Variants in MTMR12 observed in about 807,000 individuals in gnomAD.
MTMR12 encodes the protein myotubularin-related protein 12.
A neutral mutation model predicts 96.7 loss-of-function variants in MTMR12; 33 were observed. The ratio of observed to expected loss-of-function variants is 0.34; its 90% CI spans 0.26 to 0.46. The LOEUF (loss-of-function observed/expected upper bound fraction) is 0.46. Among genes scored for constraint, MTMR12 ranks in the 20% least tolerant of loss-of-function variants. MTMR12 has a pLI of 1.00. For missense variants in MTMR12, 721 were observed against 896.1 expected (o/e 0.80, Z 2.49); for synonymous variants, 298 against 327.2 (o/e 0.91, Z 0.96).
chr5:32,311,794 G>A (rs1751608745), intron 1 of MTMR12, among the ~76,000 whole-genome samples: 1 of 152,100 alleles, frequency 6.6e-6, no homozygotes, highest in African/African-American at 2.4e-5. Flanking sequence ...CCCACCTCAC[G>A]ACCTTCCCGG....
chr5:32,308,542 G>C (rs1300474037), intron 1 of MTMR12, among the ~76,000 whole-genome samples: 1 of 151,950 alleles, frequency 6.6e-6, no homozygotes, highest in Non-Finnish European at 1.5e-5. Flanking sequence ...CCCGTAATAT[G>C]ATTACCTGGC....
chr5:32,291,237 A>T (rs1300080658), intron 1 of MTMR12, among the ~76,000 whole-genome samples: 1 of 152,208 alleles, frequency 6.6e-6, no homozygotes, highest in Admixed American at 6.5e-5. Flanking sequence ...CCAAAAGTGG[A>T]CAGCTGTAGC....
rs1264779257 is a variant in MTMR12, at chr5:32,227,254, C to T, written c.*2524G>A. ...ATTAATTTACATTTCCAAACTTGCA[C>T]AGTACAGCATTTTAAACAAAGTAAA... is the stretch of plus-strand genomic sequence containing the variant. On this transcript the variant is annotated 3_prime_UTR_variant, in exon 16 of 16. Transcript: ENST00000382142. 1 of 152,632 alleles carries T rather than the reference C, an allele frequency of 6.6e-6. No individual in the cohort carries two copies. Among genetic ancestry groups the T allele is most frequent in the Admixed American group, 6.5e-5 (1 of 15,276 alleles). The allele number at this position is 152,632 out of a possible 1,614,324, so 9.5% of individuals were successfully genotyped here. A position where few individuals can be genotyped will look rare whatever the true frequency, so the allele number is the denominator to read the frequency against.
chr5:32,248,656 T>C (rs1748791323), intron 9 of MTMR12, 116 bp downstream of exon 9: 13 of 733,034 alleles, frequency 1.8e-5, no homozygotes, highest in Non-Finnish European at 3.1e-5. Flanking sequence ...TAAGTTGTAT[T>C]CCCCTAGCAT....
intron 1 of MTMR12, among the ~76,000 whole-genome samples, chr5:32,303,011 C>T (rs1033203707): frequency 1.3e-5 from 2 of 152,088 alleles, no homozygotes; most frequent in African/African-American, 4.8e-5. Context: ...TTTATTAATA[C>T]CTTAGCTGGG....
At position 32,255,692 on chromosome 5, in the gene MTMR12, C is replaced by T. The variant is rs1170314336; in HGVS notation, c.789+1G>A. Reference sequence around the variant, plus strand: ...CTTTCAGGGTTCCCAGATGCACTTACTGGTATGCCATGACCCTGAAAGCGC... The same window carrying T: ...CTTTCAGGGTTCCCAGATGCACTTATTGGTATGCCATGACCCTGAAAGCGC... On this transcript the variant is annotated splice_donor_variant, in intron 8 of 15. Transcript: ENST00000382142. LOFTEE classifies it high-confidence loss of function. 2 of 1,608,970 alleles carry T rather than the reference C, an allele frequency of 1.2e-6. No individual in the cohort carries two copies. The highest frequency in any genetic ancestry group is 1.7e-6 in the Non-Finnish European group (2 of 1,177,676).
At chr5:32,255,655 C>A in intron 8 of MTMR12, 38 bp downstream of exon 8, 1 of 1,553,444 alleles carries the variant, frequency 6.4e-7, no homozygotes, top group South Asian at 1.2e-5. Context: ...TAGACCAATG[C>A]ACAACCCACA....
At chr5:32,256,569 C>T (rs1032090897) in intron 7 of MTMR12, among the ~76,000 whole-genome samples, 2 of 152,232 alleles carry the variant, frequency 1.3e-5, no homozygotes, top group African/African-American at 4.8e-5. Context: ...CATCATCTCT[C>T]AGGCAGCAGA....
At chr5:32,308,074 A>G (rs189766818) in intron 1 of MTMR12, among the ~76,000 whole-genome samples, 111 of 152,340 alleles carry the variant, frequency 7.3e-4, no homozygotes, top group African/African-American at 2.6e-3. Context: ...CTGTAATCCC[A>G]GCACTTTGGT....
rs147192932 is a variant in MTMR12, at chr5:32,308,861, C to G, written c.81+3897G>C. On this transcript the variant is annotated intron_variant, in intron 1 of 15. Coordinates refer to ENST00000382142, the MANE Select transcript of MTMR12 (RefSeq NM_001040446.3). ...CTCATGATCCACCCACCTCGGCCTC[C>G]CAAAGTGCTGGGATTACAGGCGTGA... is the stretch of plus-strand genomic sequence containing the variant. 2.2e-4 allele frequency among the ~76,000 whole-genome samples: 34 copies of G among 152,148 alleles called. 1 individual carries two copies. The highest frequency in any genetic ancestry group is 7.4e-5 in the Non-Finnish European group (5 of 68,022).
At chr5:32,277,471 G>C (rs1750099880) in intron 1 of MTMR12, among the ~76,000 whole-genome samples, 1 of 152,096 alleles carries the variant, frequency 6.6e-6, no homozygotes, top group South Asian at 2.1e-4. Flanking sequence ...GGCCGAGATG[G>C]GCAGATAACT....
intron 1 of MTMR12, among the ~76,000 whole-genome samples, chr5:32,292,934 T>C (rs1240303894): frequency 6.6e-6 from 1 of 152,264 alleles, no homozygotes; most frequent in Non-Finnish European, 1.5e-5. Flanking sequence ...TTTGTGCATA[T>C]ATACATGTTT....
intron 6 of MTMR12, among the ~76,000 whole-genome samples, chr5:32,268,421 T>C (rs919105217): frequency 2.0e-5 from 3 of 151,752 alleles, no homozygotes; most frequent in Non-Finnish European, 2.9e-5. Context: ...GGCATGAGAA[T>C]TGCTTGAACC....
At chr5:32,246,701 G>A (rs1461061386) in intron 10 of MTMR12, among the ~76,000 whole-genome samples, 3 of 152,068 alleles carry the variant, frequency 2.0e-5, no homozygotes, top group African/African-American at 7.2e-5. Flanking sequence ...TTTCTTTGGG[G>A]CACTGTCCCC....
intron 4 of MTMR12, 136 bp downstream of exon 4, chr5:32,271,697 T>C (rs1581621073): frequency 2.1e-6 from 1 of 483,612 alleles, no homozygotes; most frequent in Non-Finnish European, 3.5e-6. Flanking sequence ...AATTTTAGCA[T>C]CTATAAAACA....
rs1187891201 is a variant in MTMR12, at chr5:32,227,715, A to C, written c.*2063T>G. The C allele has an allele frequency of 1.3e-5, 2 of 152,658 alleles. No individual in the cohort carries two copies. The highest frequency in any genetic ancestry group is 2.9e-5 in the Non-Finnish European group (2 of 68,042). 9.5% of individuals were successfully genotyped at this position (152,658 alleles called of 1,614,324 possible). A position where few individuals can be genotyped will look rare whatever the true frequency, so the allele number is the denominator to read the frequency against. On this transcript the variant is annotated 3_prime_UTR_variant, in exon 16 of 16. Transcript: ENST00000382142. ...AAGTGGAGGTTAGTGCTAATTTAAG[A>C]AGGCCTATAGAATGTATGTGAAGGT...
chr5:32,277,955 C>T (rs1470833160), intron 1 of MTMR12, among the ~76,000 whole-genome samples: 1 of 152,180 alleles, frequency 6.6e-6, no homozygotes, highest in East Asian at 1.9e-4. Context: ...CCTAAAACCA[C>T]AAGACAGTGC....
intron 7 of MTMR12, among the ~76,000 whole-genome samples, chr5:32,260,077 C>T (rs10520992): frequency 0.32 from 48,273 of 149,108 alleles, 8,571 homozygotes; most frequent in East Asian, 0.45. Flanking sequence ...GGGTAAGATC[C>T]GACTGATGAA....
rs1748559721 is a variant in MTMR12, at chr5:32,243,563, C to T, written c.1058G>A (p.Trp353Ter). ...GCTGCTACTTTCCAACAGAGAAAACCATTTTATATCTGTGTCCCAAAATTC... is the reference window on the plus strand; with the variant it reads ...GCTGCTACTTTCCAACAGAGAAAACTATTTTATATCTGTGTCCCAAAATTC... ...STEFWDTDIK[W>*]FSLLESSSWL... is the part of the protein sequence containing the mutation. Residue 353 changes from tryptophan to a stop codon, truncating the protein, a stop_gained, in exon 11 of 16, where the codon TGG (tryptophan) becomes TAG (stop). Transcript: ENST00000382142. LOFTEE classifies it high-confidence loss of function. 2.5e-6 allele frequency: 4 copies of T among 1,611,986 alleles called. No homozygotes were observed. The highest frequency in any genetic ancestry group is 3.4e-6 in the Non-Finnish European group (4 of 1,178,468).
Sources: gnomAD v4.1 joint callset for allele counts (sites outside exome capture counted in the v4.1 genomes callset) on GRCh38, gnomAD v4.1.1 for gene constraint, MANE v1.5 for transcripts, NCBI Gene and HGNC (gene_info 2026-07-23, HGNC 2026-07-21) for gene names.